The following CEP128 variants were observed in gnomAD, a reference collection of about 807,000 sequenced individuals.
CEP128 encodes the protein centrosomal protein 128kDa.
In CEP128, 132 loss-of-function variants were observed where a neutral mutation model predicts 156.7. The ratio of observed to expected loss-of-function variants is 0.84; its 90% CI spans 0.73 to 0.97. The LOEUF (loss-of-function observed/expected upper bound fraction) is 0.97. CEP128 is among the 50% of genes least tolerant of loss of function. The pLI is 0.00. For synonymous variants in CEP128, 469 were observed against 448.9 expected (o/e 1.04, Z -0.57); for missense variants, 1,252 against 1,281.9 (o/e 0.98, Z 0.36).
intron 19 of CEP128, among the ~76,000 whole-genome samples, chr14:80,724,638 GA>G (rs1205388434): frequency 2.0e-5 from 3 of 151,938 alleles, no homozygotes; most frequent in Non-Finnish European, 2.9e-5. Flanking sequence ...ACTAGAAAAA[GA>G]TATCCAATAA....
intron 19 of CEP128, among the ~76,000 whole-genome samples, chr14:80,687,823 CAACT>C (rs1334087539): frequency 6.6e-6 from 1 of 152,118 alleles, no homozygotes; most frequent in Non-Finnish European, 1.5e-5. Flanking sequence ...CGAAAATAAA[CAACT>C]GACTACTGAA....
At chr14:80,521,633 T>C (rs566965010) in intron 23 of CEP128, among the ~76,000 whole-genome samples, 8 of 152,248 alleles carry the variant, frequency 5.3e-5, no homozygotes, top group Non-Finnish European at 1.2e-4. Context: ...ATGATTTGAT[T>C]GCCTATAAGG....
At chr14:80,897,981 T>C (rs1343951545) in intron 7 of CEP128, among the ~76,000 whole-genome samples, 1 of 152,192 alleles carries the variant, frequency 6.6e-6, no homozygotes, top group Admixed American at 6.5e-5. Flanking sequence ...GGTTTCACCA[T>C]GTTGCCCTGA....
At chr14:80,615,764 A>C (rs553831324) in intron 19 of CEP128, among the ~76,000 whole-genome samples, 52 of 152,192 alleles carry the variant, frequency 3.4e-4, no homozygotes, top group Admixed American at 1.2e-3. Context: ...CAGGAGAATC[A>C]CTTGAACCCG....
intron 21 of CEP128, among the ~76,000 whole-genome samples, chr14:80,557,100 C>T (rs1359933820): frequency 6.6e-6 from 1 of 152,068 alleles, no homozygotes; most frequent in Non-Finnish European, 1.5e-5. Flanking sequence ...CCCATGGTGA[C>T]TTTTTATTTT....
chr14:80,675,974 T>C (rs756352058), intron 19 of CEP128, among the ~76,000 whole-genome samples: 4 of 152,138 alleles, frequency 2.6e-5, no homozygotes, highest in Non-Finnish European at 4.4e-5. Context: ...CAAACAGCCA[T>C]GACATTTATT....
chr14:80,555,757 A>C (rs1890406648), intron 21 of CEP128, among the ~76,000 whole-genome samples: 1 of 152,078 alleles, frequency 6.6e-6, no homozygotes, highest in African/African-American at 2.4e-5. Flanking sequence ...GCTCCTCTTC[A>C]TGTCCTCAAA....
At chr14:80,800,497 A>G (rs1225818023) in intron 13 of CEP128, among the ~76,000 whole-genome samples, 1 of 152,226 alleles carries the variant, frequency 6.6e-6, no homozygotes, top group Non-Finnish European at 1.5e-5. Context: ...AGAAAGGACT[A>G]AACACAGGTC....
intron 19 of CEP128, among the ~76,000 whole-genome samples, chr14:80,733,149 T>C (rs1294428933): frequency 2.0e-5 from 3 of 152,196 alleles, no homozygotes; most frequent in Admixed American, 2.0e-4. Context: ...TCCCTCTGCA[T>C]GAACGTCTTC....
At chr14:80,730,380 C>A (rs1199366481) in intron 19 of CEP128, among the ~76,000 whole-genome samples, 1 of 152,128 alleles carries the variant, frequency 6.6e-6, no homozygotes, top group Non-Finnish European at 1.5e-5. Flanking sequence ...TCTTAGTTAA[C>A]TTATATTGGG....
rs1015614378 is a variant in CEP128 at position 80,957,588 on chromosome 14, T to C, written c.-172+590A>G. On this transcript the variant is annotated intron_variant, in intron 2 of 7. Coordinates refer to the CEP128 transcript ENST00000555529. Reference sequence around the variant, plus strand: ...ACTTCTTCAGAGACTTCTTTAACAGTGGCAGAAATTCAAGTCATTGAAGAG... The same window carrying C: ...ACTTCTTCAGAGACTTCTTTAACAGCGGCAGAAATTCAAGTCATTGAAGAG... 3.3e-5 allele frequency among the ~76,000 whole-genome samples: 5 copies of C among 152,286 alleles called. No individual in the cohort carries two copies. In the South Asian group the frequency reaches 6.2e-4, roughly 19 times the overall value.
rs767384762 is a variant in CEP128 at position 80,785,037 on chromosome 14, C to T, written c.2069G>A (p.Arg690Gln). 18 of 1,614,176 alleles carry T rather than the reference C, an allele frequency of 1.1e-5. No individual in the cohort carries two copies. Among genetic ancestry groups the T allele is most frequent in the East Asian group, 6.7e-5 (3 of 44,884 alleles). The stretch of plus-strand genomic sequence containing the variant: ...TTTCAGCTCCCTCTGGTGCACATCT[C>T]GTTCCAGCTTTAACTGTGTGATGAT... ...ATIITQLKLE[R>Q]DVHQRELKDL... The change falls in exon 15 of 25, where the codon CGA becomes CAA. Residue 690 changes from arginine to glutamine, a missense_variant. Transcript: ENST00000555265.
At chr14:80,863,871 G>A (rs555313405) in intron 8 of CEP128, among the ~76,000 whole-genome samples, 3 of 152,232 alleles carry the variant, frequency 2.0e-5, no homozygotes, top group South Asian at 4.2e-4. Context: ...TAATTTTATG[G>A]TGCATTATAG....
chr14:80,750,460 A>G (rs1899333915), intron 18 of CEP128, among the ~76,000 whole-genome samples: 1 of 151,966 alleles, frequency 6.6e-6, no homozygotes. Context: ...TCTTTATGCA[A>G]TTGTCTGAGT....
At chr14:80,489,008 A>T (rs1324342845), downstream of CEP128, among the ~76,000 whole-genome samples, 7 of 147,708 alleles carry the variant, frequency 4.7e-5, no homozygotes, top group South Asian at 2.3e-4. Context: ...GGGGGAGGGA[A>T]AGCATTAGGA....
At chr14:80,546,813 G>C (rs1175549126) in intron 21 of CEP128, among the ~76,000 whole-genome samples, 2 of 152,108 alleles carry the variant, frequency 1.3e-5, no homozygotes, top group African/African-American at 4.8e-5. Flanking sequence ...AGCCTAAAGA[G>C]AATAACAATG....
At chr14:80,813,443 T>C (rs1884675528) in intron 13 of CEP128, among the ~76,000 whole-genome samples, 1 of 152,158 alleles carries the variant, frequency 6.6e-6, no homozygotes, top group African/African-American at 2.4e-5. Flanking sequence ...TTATGATTCA[T>C]GTTTTTGGTG....
At chr14:80,743,310 A>G (rs762163526) in intron 18 of CEP128, 43 bp from the exon 19 acceptor site, 1 of 1,328,660 alleles carries the variant, frequency 7.5e-7, no homozygotes, top group Non-Finnish European at 1.1e-6. Flanking sequence ...GAAACTCAGA[A>G]AAGAGCAGCA....
chr14:80,567,250 G>T (rs754680242), intron 20 of CEP128, among the ~76,000 whole-genome samples: 16 of 152,128 alleles, frequency 1.1e-4, no homozygotes, highest in Non-Finnish European at 2.2e-4. Flanking sequence ...TTATACTTCA[G>T]TTTTGACATT....
Sources: gnomAD v4.1 joint callset for allele counts (sites outside exome capture counted in the v4.1 genomes callset) on GRCh38, gnomAD v4.1.1 for gene constraint, MANE v1.5 for transcripts, NCBI Gene and HGNC (gene_info 2026-07-23, HGNC 2026-07-21) for gene names.